POU2AF1: variants seen among roughly 807,000 people sequenced by gnomAD.
POU2AF1 encodes POU class 2 homeobox associating factor 1.
POU2AF1 carries 12 observed loss-of-function variants against 26.3 expected under a neutral mutation model. That is an observed-to-expected ratio of 0.46 (90% confidence interval 0.29 to 0.74). The LOEUF is 0.74. POU2AF1 is among the 30% of genes least tolerant of loss of function. The pLI is 0.09. For missense variants in POU2AF1, 297 were observed against 334.5 expected (o/e 0.89, Z 0.87); for synonymous variants, 175 against 148.0 (o/e 1.18, Z -1.32).
chr11:111,374,494 C>T (rs1009315869), intron 1 of POU2AF1, among the ~76,000 whole-genome samples: 2 of 152,142 alleles, frequency 1.3e-5, no homozygotes, highest in East Asian at 3.9e-4. Flanking sequence ...GTCAGGAGTT[C>T]GAGACCAGCC....
In POU2AF1 at chr11:111,358,891, G is replaced by A. The variant is rs545540654; in HGVS notation, c.44C>T (p.Pro15Leu). Residue 15 changes from proline (P) to leucine (L), a missense_variant, in exon 2 of 5, where the codon CCG becomes CTG. By Grantham distance (98) the Pro-to-Leu change is moderately conservative. Coordinates refer to ENST00000393067, the MANE Select transcript of POU2AF1 (RefSeq NM_006235.3). ...KPTAPEQAPA[P>L]ARPYQGVRVK... The stretch of plus-strand genomic sequence containing the variant: ...ACGGACGCCCTGGTATGGCCGGGCC[G>A]GGGCTGGGGCTTGCTCCGGAGCTGT... The A allele has an allele frequency of 8.7e-6, 14 of 1,606,908 alleles. No individual in the cohort carries two copies. The highest frequency in any genetic ancestry group is 3.3e-5 in the South Asian group (3 of 91,014).
At chr11:111,357,415 C>T (rs749440013) in intron 4 of POU2AF1, 30 bp downstream of exon 4, 5 of 1,613,322 alleles carry the variant, frequency 3.1e-6, no homozygotes, top group South Asian at 2.2e-5. Flanking sequence ...TCAGCATGGG[C>T]GGGTGCAGTC....
chr11:111,357,976 G>T (rs935498605), intron 2 of POU2AF1, 139 bp from the exon 3 acceptor site: 4 of 942,034 alleles, frequency 4.2e-6, no homozygotes, highest in Non-Finnish European at 4.7e-6. Context: ...ATCCCACCCC[G>T]TATCCCAACC....
chr11:111,354,534 C>T lies in POU2AF1; in HGVS notation c.498G>A (p.Glu166=). ...SATPAVGPPL[E]GPEHQAPLTY... ...TGAGGGGTGCCTGGTGCTCTGGGCCCTCCAGCGGGGGCCCCACTGCGGGCG... is the reference window on the plus strand; with the variant it reads ...TGAGGGGTGCCTGGTGCTCTGGGCCTTCCAGCGGGGGCCCCACTGCGGGCG... The change falls in exon 5 of 5, where the codon GAG becomes GAA. Residue 166 remains glutamate (E), a synonymous_variant. Coordinates refer to ENST00000393067, the MANE Select transcript of POU2AF1 (RefSeq NM_006235.3). 6.4e-7 allele frequency: 1 copy of T among 1,554,518 alleles called. No homozygotes were observed. Among genetic ancestry groups the T allele is most frequent in the East Asian group, 2.3e-5 (1 of 43,954 alleles).
intron 1 of POU2AF1, chr11:111,363,443 A>G: frequency 9.9e-7 from 1 of 1,012,982 alleles, no homozygotes; most frequent in Non-Finnish European, 1.2e-6. Context: ...ACCTATGTGC[A>G]GCAACAATAA....
chr11:111,361,638 G>A (rs1861010853), intron 1 of POU2AF1, among the ~76,000 whole-genome samples: 1 of 152,150 alleles, frequency 6.6e-6, no homozygotes, highest in African/African-American at 2.4e-5. Flanking sequence ...TATCATGTCA[G>A]ACAGCTCTTC....
At chr11:111,368,945 G>A (rs78407827) in intron 1 of POU2AF1, among the ~76,000 whole-genome samples, 1,629 of 152,320 alleles carry the variant, frequency 0.011, 30 homozygotes, top group African/African-American at 0.037. Context: ...CATCGGAGAA[G>A]TAGCCTTGGT....
intron 1 of POU2AF1, chr11:111,363,330 G>A: frequency 2.0e-5 from 20 of 1,025,240 alleles, no homozygotes; most frequent in Non-Finnish European, 2.3e-5. Flanking sequence ...TTTGCAAAGT[G>A]CTCATGAAAT....
In POU2AF1 at chr11:111,358,639, C is replaced by T. The variant is rs1003390183; in HGVS notation, c.147+149G>A. 7.9e-6 allele frequency: 8 copies of T among 1,010,184 alleles called. No individual in the cohort carries two copies. In the African/African-American group the frequency reaches 9.6e-5, roughly 12 times the overall value. The allele number at this position is 1,010,184 out of a possible 1,614,324, so 62.6% of individuals were successfully genotyped here. A position where few individuals can be genotyped will look rare whatever the true frequency, so the allele number is the denominator to read the frequency against. ...ACGCAGATACACATTCTCTCTCACACTATCACACTCTCACACACTCTATCA... is the reference window on the plus strand; with the variant it reads ...ACGCAGATACACATTCTCTCTCACATTATCACACTCTCACACACTCTATCA... On this transcript the variant is annotated intron_variant, in intron 2 of 4. Transcript: ENST00000393067.
In POU2AF1 at chr11:111,357,724, G is replaced by A. The variant is rs1228562974; in HGVS notation, c.191-14C>T. On this transcript the variant is annotated splice_polypyrimidine_tract_variant and intron_variant, in intron 3 of 4. Coordinates refer to ENST00000393067, the MANE Select transcript of POU2AF1 (RefSeq NM_006235.3). ...GGCAGGAAGGACCTGTGGGAAGAAGGAAATTACAGAACTTCAGATGCCACC... is the reference window on the plus strand; with the variant it reads ...GGCAGGAAGGACCTGTGGGAAGAAGAAAATTACAGAACTTCAGATGCCACC... 1 of 1,611,808 alleles carries A rather than the reference G, an allele frequency of 6.2e-7. No individual in the cohort carries two copies.
In POU2AF1 at chr11:111,352,981, GGAAGGAAGGAAA is replaced by G. The variant is rs1486362804; in HGVS notation, c.*1268_*1279del. 1.5e-3 allele frequency: 99 copies of G among 65,870 alleles called. No individual in the cohort carries two copies. Among genetic ancestry groups the G allele is most frequent in the Middle Eastern group, 5.5e-3 (1 of 182 alleles). The allele number at this position is 65,870 out of a possible 1,614,324, so 4.1% of individuals were successfully genotyped here. A position where few individuals can be genotyped will look rare whatever the true frequency, so the allele number is the denominator to read the frequency against. On this transcript the variant is annotated 3_prime_UTR_variant, in exon 5 of 5. Coordinates refer to ENST00000393067, the MANE Select transcript of POU2AF1 (RefSeq NM_006235.3). ...AAAGAGAGAGGAAGGAAGGAAGGAA[GGAAGGAAGGAAA>G]GAAGGAAGGAAGGAAGGAAGGAAGG...
At chr11:111,365,720 G>A (rs183264353) in intron 1 of POU2AF1, among the ~76,000 whole-genome samples, 21 of 152,256 alleles carry the variant, frequency 1.4e-4, no homozygotes, top group East Asian at 9.6e-4. Flanking sequence ...AGCTGGGTGC[G>A]GTGGCAGGAG....
At chr11:111,369,636 C>T (rs1000429987) in intron 1 of POU2AF1, among the ~76,000 whole-genome samples, 27 of 152,214 alleles carry the variant, frequency 1.8e-4, no homozygotes, top group Non-Finnish European at 4.4e-5. Context: ...ACATATTTGG[C>T]ATTGCCTCAA....
At chr11:111,363,439 G>A in intron 1 of POU2AF1, 4 of 1,013,300 alleles carry the variant, frequency 3.9e-6, no homozygotes, top group Non-Finnish European at 4.7e-6. Context: ...ACCAACCTAT[G>A]TGCAGCAACA....
chr11:111,373,945 CAGAATA>C (rs1861261307), intron 1 of POU2AF1, among the ~76,000 whole-genome samples: 1 of 152,028 alleles, frequency 6.6e-6, no homozygotes, highest in South Asian at 2.1e-4. Context: ...TTGGTTGGCT[CAGAATA>C]AGAAATAGGT....
rs138541017 is a variant in POU2AF1, at chr11:111,374,322, T to C, written c.16+4840A>G. ...CAATTAAATCTGTGTATTTGGTTGA[T>C]GTTTGTCCTTTATTTCACCTCCAGA... On this transcript the variant is annotated intron_variant, in intron 1 of 4. Coordinates refer to ENST00000393067, the MANE Select transcript of POU2AF1 (RefSeq NM_006235.3). 3.3e-4 allele frequency among the ~76,000 whole-genome samples: 51 copies of C among 152,308 alleles called. No individual in the cohort carries two copies. The East Asian group carries it at 8.9e-3, about 26-fold the overall frequency.
In POU2AF1 at chr11:111,379,169, C is replaced by A; in HGVS notation, c.9G>T (p.Trp3Cys). 1 of 1,614,174 alleles carries A rather than the reference C, an allele frequency of 6.2e-7. No homozygotes were observed. The highest frequency in any genetic ancestry group is 8.5e-7 in the Non-Finnish European group (1 of 1,180,000). The change falls in exon 1 of 5, where the codon TGG becomes TGT. Residue 3 changes from tryptophan to cysteine, a missense_variant. Transcript: ENST00000393067. Reference sequence around the variant, plus strand: ...CACAGCCAAACCACTTACGTTTTTGCCAGAGCATGGCCTGTGACAGGATGT... The same window carrying A: ...CACAGCCAAACCACTTACGTTTTTGACAGAGCATGGCCTGTGACAGGATGT... ML[W>C]QKPTAPEQAP... is the part of the protein sequence containing the mutation.
At chr11:111,358,760 TCACA>T (rs773595519) in intron 2 of POU2AF1, 24 bp downstream of exon 2, 4 of 1,550,006 alleles carry the variant, frequency 2.6e-6, no homozygotes, top group Admixed American at 1.9e-5. Flanking sequence ...ACACACACAC[TCACA>T]CTCTCACACA....
intron 1 of POU2AF1, among the ~76,000 whole-genome samples, chr11:111,374,981 A>G (rs115026012): frequency 0.013 from 2,028 of 152,302 alleles, 39 homozygotes; most frequent in African/African-American, 0.047. Flanking sequence ...TATGTTGATG[A>G]GAATTTTAAG....
Sources: gnomAD v4.1 joint callset for allele counts (sites outside exome capture counted in the v4.1 genomes callset) on GRCh38, gnomAD v4.1.1 for gene constraint, MANE v1.5 for transcripts, NCBI Gene and HGNC (gene_info 2026-07-23, HGNC 2026-07-21) for gene names.